RGL3: variants seen among roughly 807,000 people sequenced by gnomAD.
RGL3 encodes the protein ral guanine nucleotide dissociation stimulator like 3.
Under a neutral mutation model 90.6 loss-of-function variants are expected in RGL3, and 85 were observed. That is an observed-to-expected ratio of 0.94 (90% CI 0.79 to 1.12). RGL3 has a LOEUF of 1.12. Among genes scored for constraint, RGL3 ranks in the 50% most tolerant of loss-of-function variants. The probability of loss-of-function intolerance (pLI) is 0.00; values close to 1 mark genes in which losing one functional copy is unlikely to be tolerated. For missense variants in RGL3, 1,034 were observed against 939.2 expected, an observed-to-expected ratio of 1.10 and a Z score of -1.32; for synonymous variants, 408 against 385.5, an observed-to-expected ratio of 1.06 and a Z score of -0.68.
At chr19:11,410,498 G>A (rs998010556) in intron 5 of RGL3, among the ~76,000 whole-genome samples, 2 of 151,678 alleles carry the variant, frequency 1.3e-5, no homozygotes, top group African/African-American at 2.4e-5. Flanking sequence ...CCTGGGCGGC[G>A]TAGTGAGACC....
intron 4 of RGL3, 72 bp downstream of exon 4, chr19:11,416,542 C>G (rs562092059): frequency 1.4e-6 from 2 of 1,463,542 alleles, no homozygotes; most frequent in Non-Finnish European, 9.6e-7. Context: ...TTTCAAAACC[C>G]CAGTCCGACT....
chr19:11,419,170 G>C lies in RGL3; in HGVS notation c.33+76C>G, dbSNP rs969815906. ...TTCAGATTGGGAGCAGATACCGTCC[G>C]ACGGGCGGGCGCTTGGAGTTTCTGG... On this transcript the variant is annotated intron_variant, in intron 1 of 18. Coordinates refer to ENST00000380456, the MANE Select transcript of RGL3 (RefSeq NM_001035223.4). The C allele has an allele frequency of 2.4e-5, 36 of 1,502,814 alleles. No homozygotes were observed. In the African/African-American group the frequency reaches 4.4e-4, roughly 18 times the overall value. 93.1% of individuals were successfully genotyped at this position (1,502,814 alleles called of 1,614,324 possible). A position where few individuals can be genotyped will look rare whatever the true frequency, so the allele number is the denominator to read the frequency against.
intron 9 of RGL3, 87 bp downstream of exon 9, chr19:11,405,060 A>G: frequency 4.8e-6 from 5 of 1,048,634 alleles, no homozygotes; most frequent in South Asian, 1.3e-5. Flanking sequence ...TGTCCTGACT[A>G]TAGCAGGGAG....
At chr19:11,400,890 A>T (rs975484563) in intron 13 of RGL3, among the ~76,000 whole-genome samples, 9 of 151,094 alleles carry the variant, frequency 6.0e-5, no homozygotes, top group Admixed American at 4.0e-4. Context: ...TAAATAAATA[A>T]ATAAATAAAT....
At position 11,405,401 on chromosome 19, in the gene RGL3, G is replaced by GAGA. The variant is rs761135385; in HGVS notation, c.1019_1021dup (p.Phe340dup). ...GGCGGACAGGATGGCGCGCAAGGAG[G>GAGA]AGAAGTTCCGCAGTTCTCGGCAGCG... On this transcript the variant is annotated inframe_insertion, in exon 8 of 19. Transcript: ENST00000380456. 11 of 1,599,550 alleles carry GAGA rather than the reference G, an allele frequency of 6.9e-6. No individual in the cohort carries two copies. The South Asian group carries it at 1.2e-4, about 18-fold the overall frequency.
chr19:11,406,557 G>C lies in RGL3; in HGVS notation c.858C>G (p.Gly286=), dbSNP rs1175732470. 5 of 1,550,050 alleles carry C rather than the reference G, an allele frequency of 3.2e-6. No individual in the cohort carries two copies. The African/African-American group carries it at 6.8e-5, about 21-fold the overall frequency. The change falls in exon 7 of 19, where the codon GGC becomes GGG. Residue 286 remains glycine, a synonymous_variant. Coordinates refer to ENST00000380456, the MANE Select transcript of RGL3 (RefSeq NM_001035223.4). ...CGGTGGCGCGCACAGTGGGGGAGGC[G>C]CCTGCAGCCCCCGGCCGGTCCCTCT... ...WSQRDRPGAA[G]ASPTVRATVA... is the part of the protein sequence containing the mutation.
intron 5 of RGL3, among the ~76,000 whole-genome samples, chr19:11,408,204 G>T (rs892747480): frequency 6.6e-6 from 1 of 152,224 alleles, no homozygotes; most frequent in East Asian, 1.9e-4. Context: ...GGGCTCAAGC[G>T]ATCCTCCCTC....
intron 13 of RGL3, 31 bp downstream of exon 13, chr19:11,401,980 G>C: frequency 6.6e-7 from 1 of 1,511,358 alleles, no homozygotes; most frequent in South Asian, 1.3e-5. Flanking sequence ...CTCAGCTGGG[G>C]TGGGGCTGGG....
chr19:11,404,171 C>T (rs1005773772), intron 9 of RGL3, among the ~76,000 whole-genome samples: 1 of 152,182 alleles, frequency 6.6e-6, no homozygotes, highest in African/African-American at 2.4e-5. Flanking sequence ...GCGTGAGTCA[C>T]TGAGCCCAGC....
At position 11,406,406 on chromosome 19, in the gene RGL3, G is replaced by C; in HGVS notation, c.996+13C>G. 1 of 1,524,304 alleles carries C rather than the reference G, an allele frequency of 6.6e-7. No homozygotes were observed. The highest frequency in any genetic ancestry group is 8.8e-7 in the Non-Finnish European group (1 of 1,138,078). 94.4% of individuals were successfully genotyped at this position (1,524,304 alleles called of 1,614,324 possible). A position where few individuals can be genotyped will look rare whatever the true frequency, so the allele number is the denominator to read the frequency against. The stretch of plus-strand genomic sequence containing the variant: ...GCCCGCCCCCGCATCCCCTCTCCGC[G>C]CCCGCAACACACCTGGGCGATGCGG... On this transcript the variant is annotated intron_variant, in intron 7 of 18. Coordinates refer to ENST00000380456, the MANE Select transcript of RGL3 (RefSeq NM_001035223.4).
rs1968591205 is a variant in RGL3 at position 11,397,292 on chromosome 19, G to T, written c.1966C>A (p.Pro656Thr). The T allele has an allele frequency of 1.2e-6, 2 of 1,613,530 alleles. No homozygotes were observed. Among genetic ancestry groups the T allele is most frequent in the Non-Finnish European group, 1.7e-6 (2 of 1,179,778 alleles). Residue 656 changes from proline to threonine, a missense_variant, in exon 18 of 19, where the codon CCC becomes ACC. Pro to Thr is a conservative substitution (Grantham distance 38). Transcript: ENST00000380456. ...AAGAGCTGATAGTCACAGGCCCAGGGCTGGGGCACATTGTGCTTCTGCAAG... is the reference window on the plus strand; with the variant it reads ...AAGAGCTGATAGTCACAGGCCCAGGTCTGGGGCACATTGTGCTTCTGCAAG... ...RALQKHNVPQ[P>T]WACDYQLFQV...
intron 2 of RGL3, 154 bp downstream of exon 2, chr19:11,418,517 C>G (rs1407628197): frequency 6.5e-6 from 4 of 614,494 alleles, no homozygotes; most frequent in Non-Finnish European, 1.1e-5. Flanking sequence ...CTGGCCGCCC[C>G]CAGTCCCCTT....
intron 1 of RGL3, 100 bp from the exon 2 acceptor site, chr19:11,418,884 C>A (rs948173566): frequency 5.4e-6 from 5 of 933,756 alleles, no homozygotes; most frequent in African/African-American, 5.1e-5. Context: ...CTGCTGCATC[C>A]CCACGCCCCT....
At chr19:11,414,832 G>C (rs1968965812) in intron 5 of RGL3, among the ~76,000 whole-genome samples, 1 of 151,864 alleles carries the variant, frequency 6.6e-6, no homozygotes, top group Non-Finnish European at 1.5e-5. Context: ...ATGAGCAAAA[G>C]CCAATAATCA....
intron 18 of RGL3, among the ~76,000 whole-genome samples, chr19:11,395,628 C>A (rs1478025725): frequency 1.3e-5 from 2 of 152,002 alleles, no homozygotes; most frequent in Non-Finnish European, 2.9e-5. Context: ...CCTAGACAAT[C>A]TATTTTTTCT....
chr19:11,395,123 G>C (rs556403672), intron 18 of RGL3, among the ~76,000 whole-genome samples: 3 of 149,566 alleles, frequency 2.0e-5, no homozygotes, highest in African/African-American at 7.4e-5. Context: ...AAACAAAACC[G>C]ACAACCTGCA....
chr19:11,402,473 G>A lies in RGL3; in HGVS notation c.1311C>T (p.Ala437=), dbSNP rs1483634294. 5.0e-6 allele frequency: 8 copies of A among 1,603,412 alleles called. No homozygotes were observed. In the Admixed American group the frequency reaches 1.4e-4, roughly 28 times the overall value. The change falls in exon 11 of 19, where the codon GCC becomes GCT. Residue 437 remains alanine (A), a synonymous_variant. Coordinates refer to ENST00000380456, the MANE Select transcript of RGL3 (RefSeq NM_001035223.4). ...GTCAGACCTCCAACATATCCGGCAG[G>A]GCTGTGTCCAGCATAACCAGGTCCG... The part of the protein sequence containing the change: ...FLTDLVMLDT[A]LPDMLEGDLI...
intron 5 of RGL3, 92 bp from the exon 6 acceptor site, chr19:11,406,956 C>T: frequency 7.9e-7 from 1 of 1,270,842 alleles, no homozygotes; most frequent in Non-Finnish European, 1.1e-6. Flanking sequence ...CTGAGGCTCA[C>T]TTTCCTCATT....
At position 11,402,051 on chromosome 19, in the gene RGL3, CCAGGA is replaced by C. The variant is rs1968685295; in HGVS notation, c.1439_1443del (p.Ile480SerfsTer22). 1 of 1,570,884 alleles carries C rather than the reference CCAGGA, an allele frequency of 6.4e-7. No homozygotes were observed. The highest frequency in any genetic ancestry group is 1.2e-5 in the South Asian group (1 of 82,700). ...AGCTGGTTCTGGGCATGCAGGGCAG[CCAGGA>C]TGGGCGGGTGGGGGCTCAGGGTGTA... On this transcript the variant is annotated frameshift_variant, in exon 13 of 19. Transcript: ENST00000380456. LOFTEE classifies it high-confidence loss of function.
Sources: gnomAD v4.1 joint callset for allele counts (sites outside exome capture counted in the v4.1 genomes callset) on GRCh38, gnomAD v4.1.1 for gene constraint, MANE v1.5 for transcripts, NCBI Gene and HGNC (gene_info 2026-07-23, HGNC 2026-07-21) for gene names.